The following TGFA variants were observed in gnomAD, a reference collection of about 807,000 sequenced individuals.
TGFA encodes protransforming growth factor alpha.
TGFA carries 12 observed loss-of-function variants against 21.7 expected under a neutral mutation model. That is an observed-to-expected ratio of 0.55 (90% CI 0.35 to 0.90). The LOEUF is 0.90. Ranked by LOEUF, TGFA falls within the 40% of genes least tolerant of loss-of-function variation. The pLI is 0.01. For missense variants in TGFA, 178 were observed against 210.8 expected, an observed-to-expected ratio of 0.84 and a Z score of 0.96; for synonymous variants, 79 against 88.1, an observed-to-expected ratio of 0.90 and a Z score of 0.58.
rs79401874 is a variant in TGFA at position 70,518,041 on chromosome 2, G to A, written c.41-3129C>T. Among the ~76,000 whole-genome samples the A allele has an allele frequency of 3.2e-3, 486 of 152,356 alleles. 1 individual carries two copies. Among genetic ancestry groups the A allele is most frequent in the African/African-American group, 0.011 (465 of 41,584 alleles). ...GGCTCCAAGGGTCACTCCAAACAAA[G>A]GAAGGATGGGGAGAGGACAGCCACA... On this transcript the variant is annotated intron_variant, in intron 1 of 5. Transcript: ENST00000295400.
chr2:70,548,329 A>C (rs1673379599), intron 1 of TGFA, among the ~76,000 whole-genome samples: 1 of 152,188 alleles, frequency 6.6e-6, no homozygotes, highest in South Asian at 2.1e-4. Flanking sequence ...AAACTGATAG[A>C]GGAGAGAGGT....
intron 1 of TGFA, among the ~76,000 whole-genome samples, chr2:70,542,964 G>A (rs533480058): frequency 1.1e-3 from 165 of 151,566 alleles, no homozygotes; most frequent in African/African-American, 3.6e-3. Context: ...TTAGCCGGGC[G>A]TAGTGGCGGG....
At chr2:70,540,784 T>C (rs1673111586) in intron 1 of TGFA, among the ~76,000 whole-genome samples, 1 of 152,160 alleles carries the variant, frequency 6.6e-6, no homozygotes, top group Admixed American at 6.5e-5. Context: ...AGTGTGTATT[T>C]TTAAAAACTG....
At chr2:70,500,459 T>A (rs74533540) in intron 2 of TGFA, among the ~76,000 whole-genome samples, 8 of 148,332 alleles carry the variant, frequency 5.4e-5, no homozygotes, top group African/African-American at 1.5e-4. Context: ...AAGCAGAGTT[T>A]AAAAAAAAAA....
intron 2 of TGFA, among the ~76,000 whole-genome samples, chr2:70,478,109 C>T (rs1404160086): frequency 1.3e-5 from 2 of 152,156 alleles, no homozygotes; most frequent in Admixed American, 6.5e-5. Flanking sequence ...CTGTTCTGTC[C>T]GTTCTCCATC....
At position 70,504,141 on chromosome 2, in the gene TGFA, C is replaced by T. The variant is rs555105363; in HGVS notation, c.94+10718G>A. Among the ~76,000 whole-genome samples the T allele has an allele frequency of 1.3e-4, 19 of 151,960 alleles. No homozygotes were observed. The East Asian group carries it at 3.5e-3, about 28-fold the overall frequency. ...GAAGAAAATGTATACAGGCTGGGCACGGGGACTCATGCCTGTAATCCCAAC... is the reference window on the plus strand; with the variant it reads ...GAAGAAAATGTATACAGGCTGGGCATGGGGACTCATGCCTGTAATCCCAAC... On this transcript the variant is annotated intron_variant, in intron 2 of 5. Transcript: ENST00000295400.
chr2:70,495,199 A>T (rs1436718905), intron 2 of TGFA, among the ~76,000 whole-genome samples: 1 of 152,250 alleles, frequency 6.6e-6, no homozygotes, highest in African/African-American at 2.4e-5. Flanking sequence ...TTCCCTATGG[A>T]TGTGAAATGC....
intron 2 of TGFA, among the ~76,000 whole-genome samples, chr2:70,479,500 G>A (rs1314387861): frequency 6.6e-6 from 1 of 152,208 alleles, no homozygotes; most frequent in Non-Finnish European, 1.5e-5. Context: ...TTACCCTGAA[G>A]TTAATGCTTT....
intron 2 of TGFA, among the ~76,000 whole-genome samples, chr2:70,472,740 G>A (rs1670796399): frequency 6.6e-6 from 1 of 152,226 alleles, no homozygotes; most frequent in African/African-American, 2.4e-5. Flanking sequence ...GCGGGAGCCG[G>A]CTGAGCCTGT....
At chr2:70,478,826 A>AT (rs1671015887) in intron 2 of TGFA, among the ~76,000 whole-genome samples, 2 of 152,172 alleles carry the variant, frequency 1.3e-5, no homozygotes, top group African/African-American at 4.8e-5. Flanking sequence ...ATAAAAGATC[A>AT]TGTTTCTTTG....
chr2:70,500,467 A>C (rs1671705534), intron 2 of TGFA, among the ~76,000 whole-genome samples: 1 of 152,032 alleles, frequency 6.6e-6, no homozygotes, highest in Non-Finnish European at 1.5e-5. Flanking sequence ...TTTAAAAAAA[A>C]AAAAGTTAAC....
At chr2:70,473,636 C>G (rs1670824747) in intron 2 of TGFA, among the ~76,000 whole-genome samples, 1 of 151,088 alleles carries the variant, frequency 6.6e-6, no homozygotes, top group African/African-American at 2.4e-5. Flanking sequence ...AAATTGATCT[C>G]AAGTGTTACC....
intron 1 of TGFA, among the ~76,000 whole-genome samples, chr2:70,519,011 A>T (rs1672371429): frequency 6.6e-6 from 1 of 152,198 alleles, no homozygotes. Context: ...GAGGATGAAG[A>T]GGCTGCAGCA....
chr2:70,539,350 C>T lies in TGFA; in HGVS notation c.40+14378G>A, dbSNP rs184513315. Among the ~76,000 whole-genome samples the T allele has an allele frequency of 1.5e-3, 232 of 152,200 alleles. 4 individuals carry two copies. Among genetic ancestry groups the T allele is most frequent in the East Asian group, 0.015 (78 of 5,184 alleles). ...AAATGGCAGAGAGAGGGAACTCATA[C>T]CTATCCCTCTAGTCTGGGAACACAG... On this transcript the variant is annotated intron_variant, in intron 1 of 5. Coordinates refer to ENST00000295400, the MANE Select transcript of TGFA (RefSeq NM_003236.4).
At position 70,449,670 on chromosome 2, in the gene TGFA, C is replaced by G. The variant is rs887092564; in HGVS notation, c.*1189G>C. The G allele has an allele frequency of 3.5e-5, 7 of 202,770 alleles. No individual in the cohort carries two copies. Among genetic ancestry groups the G allele is most frequent in the Admixed American group, 5.5e-5 (1 of 18,102 alleles). 12.6% of individuals were successfully genotyped at this position (202,770 alleles called of 1,614,324 possible). A position where few individuals can be genotyped will look rare whatever the true frequency, so the allele number is the denominator to read the frequency against. ...AATTACTGGAATAGTTTTCCTAGTG[C>G]TCGAAAATAAATAGCAAAGTTAAAC... On this transcript the variant is annotated 3_prime_UTR_variant, in exon 6 of 6. Coordinates refer to ENST00000295400, the MANE Select transcript of TGFA (RefSeq NM_003236.4).
intron 2 of TGFA, among the ~76,000 whole-genome samples, chr2:70,484,843 G>A (rs1671224140): frequency 1.3e-5 from 2 of 152,142 alleles, no homozygotes; most frequent in African/African-American, 2.4e-5. Context: ...CAACAAAGTT[G>A]CTTTTGTTCA....
chr2:70,452,569 G>C (rs1225828004), intron 5 of TGFA, among the ~76,000 whole-genome samples: 1 of 152,152 alleles, frequency 6.6e-6, no homozygotes, highest in African/African-American at 2.4e-5. Context: ...TCTCTTGAGT[G>C]CCTACAATTG....
At chr2:70,491,068 G>GA (rs1432628456) in intron 2 of TGFA, among the ~76,000 whole-genome samples, 1 of 152,190 alleles carries the variant, frequency 6.6e-6, no homozygotes, top group Non-Finnish European at 1.5e-5. Context: ...CCCAGAGGCA[G>GA]CACAGAGTTC....
intron 1 of TGFA, among the ~76,000 whole-genome samples, chr2:70,523,419 G>C (rs1396483209): frequency 1.3e-5 from 2 of 152,170 alleles, no homozygotes; most frequent in African/African-American, 4.8e-5. Flanking sequence ...ACACTCACTG[G>C]TGTTCCTGTA....
Sources: gnomAD v4.1 joint callset for allele counts (sites outside exome capture counted in the v4.1 genomes callset) on GRCh38, gnomAD v4.1.1 for gene constraint, MANE v1.5 for transcripts, NCBI Gene and HGNC (gene_info 2026-07-23, HGNC 2026-07-21) for gene names.